The following MGAT5 variants were observed in gnomAD, a reference collection of about 807,000 sequenced individuals.
MGAT5 encodes alpha-1,6-mannosylglycoprotein 6-beta-N-acetylglucosaminyltransferase A.
Under a neutral mutation model 94.3 loss-of-function variants are expected in MGAT5, and 30 were observed. That is an observed-to-expected ratio of 0.32 (90% CI 0.24 to 0.43). The LOEUF (loss-of-function observed/expected upper bound fraction) is 0.43. Ranked by LOEUF, MGAT5 falls within the 20% of genes least tolerant of loss-of-function variation. MGAT5 has a pLI of 1.00. For missense variants in MGAT5, 691 were observed against 905.5 expected, an observed-to-expected ratio of 0.76 and a Z score of 3.04; for synonymous variants, 310 against 322.9, an observed-to-expected ratio of 0.96 and a Z score of 0.43.
chr2:134,380,580 A>T (rs575562696), intron 10 of MGAT5, among the ~76,000 whole-genome samples: 2 of 152,100 alleles, frequency 1.3e-5, no homozygotes, highest in Non-Finnish European at 2.9e-5. Flanking sequence ...TTCATCTGTT[A>T]CCCGGCAGGT....
intron 15 of MGAT5, among the ~76,000 whole-genome samples, chr2:134,447,054 T>C (rs978627613): frequency 6.6e-5 from 10 of 152,290 alleles, no homozygotes; most frequent in African/African-American, 2.4e-4. Context: ...ATGCTTTACA[T>C]ACACATACAC....
At chr2:134,388,793 G>A (rs968224315) in intron 10 of MGAT5, among the ~76,000 whole-genome samples, 2 of 151,802 alleles carry the variant, frequency 1.3e-5, no homozygotes, top group East Asian at 1.9e-4. Flanking sequence ...TCGGAGTCTC[G>A]CTCTGTTGCC....
intron 1 of MGAT5, among the ~76,000 whole-genome samples, chr2:134,181,737 T>C (rs1211223085): frequency 2.0e-5 from 3 of 152,134 alleles, no homozygotes; most frequent in African/African-American, 4.8e-5. Context: ...ACCTTAATTA[T>C]TGCATGCCAC....
At chr2:134,368,571 G>A (rs1680580480) in intron 10 of MGAT5, among the ~76,000 whole-genome samples, 1 of 152,188 alleles carries the variant, frequency 6.6e-6, no homozygotes, top group Non-Finnish European at 1.5e-5. Context: ...TCAGAAATGT[G>A]ATCCCACTTC....
intron 1 of MGAT5, among the ~76,000 whole-genome samples, chr2:134,231,958 G>A (rs1432756623): frequency 3.3e-5 from 5 of 152,162 alleles, no homozygotes; most frequent in Non-Finnish European, 7.3e-5. Flanking sequence ...TAGTACTATT[G>A]CTCTGTGGAA....
At chr2:134,166,278 GAT>G (rs1687960784) in intron 1 of MGAT5, among the ~76,000 whole-genome samples, 1 of 152,240 alleles carries the variant, frequency 6.6e-6, no homozygotes, top group African/African-American at 2.4e-5. Context: ...ACTATAGTGT[GAT>G]AAATCATGTC....
intron 4 of MGAT5, chr2:134,319,667 T>C: frequency 3.2e-6 from 1 of 312,992 alleles, no homozygotes; most frequent in Admixed American, 4.1e-5. Flanking sequence ...GCTGATAGGC[T>C]TTATCTTCAG....
At chr2:134,269,062 T>C (rs549714508) in intron 1 of MGAT5, among the ~76,000 whole-genome samples, 3 of 152,360 alleles carry the variant, frequency 2.0e-5, no homozygotes, top group Admixed American at 2.0e-4. Flanking sequence ...CGGAGTCACA[T>C]CTACCTCATG....
At chr2:134,288,232 G>A (rs1685131662) in intron 2 of MGAT5, among the ~76,000 whole-genome samples, 1 of 152,146 alleles carries the variant, frequency 6.6e-6, no homozygotes. Context: ...CTATCAAATG[G>A]CTCAACATCA....
In MGAT5 at chr2:134,238,987, G is replaced by A. The variant is rs114496307; in HGVS notation, c.-142-15275G>A. Among the ~76,000 whole-genome samples the A allele has an allele frequency of 3.2e-3, 490 of 152,090 alleles. 1 individual carries two copies. The highest frequency in any genetic ancestry group is 0.011 in the African/African-American group (469 of 41,488). On this transcript the variant is annotated intron_variant, in intron 1 of 16. Coordinates refer to the MGAT5 transcript ENST00000409645. ...CAAAAAAAGAAATATTGCCCTAAAC[G>A]TGTTTTATTTATTTATTTATTTTTG... is the stretch of plus-strand genomic sequence containing the variant.
chr2:134,322,440 A>G (rs1687388691), intron 4 of MGAT5, among the ~76,000 whole-genome samples: 1 of 152,200 alleles, frequency 6.6e-6, no homozygotes, highest in Non-Finnish European at 1.5e-5. Context: ...GCATTGTGGA[A>G]TGGCTAAATC....
intron 1 of MGAT5, among the ~76,000 whole-genome samples, chr2:134,124,417 A>G (rs1043145005): frequency 6.6e-6 from 1 of 152,228 alleles, no homozygotes; most frequent in African/African-American, 2.4e-5. Context: ...TTTGTTCAAA[A>G]TCCCACAGTT....
chr2:134,312,678 C>T (rs148735715), intron 2 of MGAT5, among the ~76,000 whole-genome samples: 170 of 152,172 alleles, frequency 1.1e-3, no homozygotes, highest in African/African-American at 4.0e-3. Flanking sequence ...TCCCTTCCTC[C>T]CACGTGTGCC....
At position 134,281,359 on chromosome 2, in the gene MGAT5, G is replaced by C. The variant is rs144590527; in HGVS notation, c.406+10809G>C. Among the ~76,000 whole-genome samples the C allele has an allele frequency of 7.2e-4, 109 of 152,300 alleles. No homozygotes were observed. In the East Asian group the frequency reaches 0.02, roughly 28 times the overall value. On this transcript the variant is annotated intron_variant, in intron 2 of 15. Coordinates refer to ENST00000281923, the MANE Select transcript of MGAT5 (RefSeq NM_002410.5). ...GATGCCAGGTCTGTGTCAGGCATCG[G>C]AAATGCAGCTGGGTAGGAAACTAGG... is the stretch of plus-strand genomic sequence containing the variant.
intron 4 of MGAT5, among the ~76,000 whole-genome samples, chr2:134,335,427 T>C (rs1044499894): frequency 2.0e-5 from 3 of 152,186 alleles, no homozygotes; most frequent in African/African-American, 7.2e-5. Flanking sequence ...CTTTAATGCA[T>C]TTCTCATTTT....
intron 4 of MGAT5, among the ~76,000 whole-genome samples, chr2:134,322,177 C>T (rs938411130): frequency 1.3e-5 from 2 of 151,900 alleles, no homozygotes; most frequent in South Asian, 2.1e-4. Context: ...CTGACACTTC[C>T]GTGGTTTTAA....
At chr2:134,431,063 G>A (rs891225226) in intron 14 of MGAT5, among the ~76,000 whole-genome samples, 4 of 152,144 alleles carry the variant, frequency 2.6e-5, no homozygotes, top group Admixed American at 2.0e-4. Context: ...ACTGAAGGCT[G>A]GACAAGTCCA....
chr2:134,194,606 G>T (rs1254095007), intron 1 of MGAT5, among the ~76,000 whole-genome samples: 2 of 152,130 alleles, frequency 1.3e-5, no homozygotes, highest in African/African-American at 4.8e-5. Context: ...ATGATAGGGG[G>T]TGTTTAGAGT....
intron 1 of MGAT5, among the ~76,000 whole-genome samples, chr2:134,126,395 C>T (rs1558945387): frequency 6.6e-6 from 1 of 152,162 alleles, no homozygotes; most frequent in African/African-American, 2.4e-5. Flanking sequence ...TCCAAAGATC[C>T]GTTCAGTTCC....
Sources: gnomAD v4.1 joint callset for allele counts (sites outside exome capture counted in the v4.1 genomes callset) on GRCh38, gnomAD v4.1.1 for gene constraint, MANE v1.5 for transcripts, NCBI Gene and HGNC (gene_info 2026-07-23, HGNC 2026-07-21) for gene names.